ADGRB3: variants seen among roughly 807,000 people sequenced by gnomAD.
The protein encoded by ADGRB3 is adhesion G protein-coupled receptor B3.
In ADGRB3, 37 loss-of-function variants were observed where a neutral mutation model predicts 193.4. The ratio of observed to expected loss-of-function variants is 0.19; its 90% confidence interval spans 0.15 to 0.25. ADGRB3 has a LOEUF of 0.25. Ranked by LOEUF, ADGRB3 falls within the 10% of genes least tolerant of loss-of-function variation. The pLI is 1.00. For missense variants in ADGRB3, 1,637 were observed against 1,852.9 expected, an observed-to-expected ratio of 0.88 and a Z score of 2.14; for synonymous variants, 690 against 644.2, an observed-to-expected ratio of 1.07 and a Z score of -1.08.
intron 3 of ADGRB3, among the ~76,000 whole-genome samples, chr6:68,818,970 T>G (rs898333093): frequency 1.3e-5 from 2 of 152,096 alleles, no homozygotes; most frequent in African/African-American, 4.8e-5. Flanking sequence ...AAAGGAACAA[T>G]GCACATGGCA....
chr6:68,852,240 A>G (rs1297449407), intron 3 of ADGRB3, among the ~76,000 whole-genome samples: 1 of 151,884 alleles, frequency 6.6e-6, no homozygotes, highest in African/African-American at 2.4e-5. Flanking sequence ...TGTAGCCTTG[A>G]ATGCTGTATA....
At chr6:68,672,116 T>C (rs1213604665) in intron 3 of ADGRB3, among the ~76,000 whole-genome samples, 3 of 152,080 alleles carry the variant, frequency 2.0e-5, no homozygotes, top group Non-Finnish European at 4.4e-5. Flanking sequence ...AATGTCTTTT[T>C]TCATCTCTGA....
At chr6:68,995,574 C>T (rs1769361046) in intron 11 of ADGRB3, among the ~76,000 whole-genome samples, 1 of 152,192 alleles carries the variant, frequency 6.6e-6, no homozygotes, top group Admixed American at 6.5e-5. Context: ...AGCAATTTGG[C>T]TAATTATCTT....
At chr6:68,866,942 T>C (rs1188435278) in intron 3 of ADGRB3, among the ~76,000 whole-genome samples, 1 of 152,094 alleles carries the variant, frequency 6.6e-6, no homozygotes, top group Admixed American at 6.6e-5. Flanking sequence ...AAAGAGATGG[T>C]CTGAAATTGG....
intron 17 of ADGRB3, among the ~76,000 whole-genome samples, chr6:69,152,231 G>A (rs773231077): frequency 2.0e-4 from 31 of 152,138 alleles, no homozygotes; most frequent in Admixed American, 7.2e-4. Context: ...TTTCAAAAAT[G>A]TATGCATGAT....
intron 17 of ADGRB3, among the ~76,000 whole-genome samples, chr6:69,213,800 A>G (rs970265486): frequency 6.6e-6 from 1 of 152,174 alleles, no homozygotes. Context: ...AAATAGATTG[A>G]TAGAGAGAAT....
chr6:68,823,789 C>A (rs985763196), intron 3 of ADGRB3, among the ~76,000 whole-genome samples: 1 of 152,030 alleles, frequency 6.6e-6, no homozygotes, highest in Non-Finnish European at 1.5e-5. Context: ...ATAATCATTG[C>A]TTCTTGCATA....
chr6:68,996,280 GCCTCTAATTA>G (rs1270096664), intron 11 of ADGRB3, among the ~76,000 whole-genome samples: 2 of 152,004 alleles, frequency 1.3e-5, no homozygotes, highest in Non-Finnish European at 2.9e-5. Context: ...ATCCAGGTCA[GCCTCTAATTA>G]CCTCAGCCTA....
intron 3 of ADGRB3, among the ~76,000 whole-genome samples, chr6:68,765,521 T>C (rs1395402802): frequency 7.0e-6 from 1 of 142,736 alleles, no homozygotes; most frequent in African/African-American, 2.6e-5. Flanking sequence ...TTTCTTGTCC[T>C]GTATATATTC....
chr6:69,265,615 A>G (rs1767023596), intron 20 of ADGRB3, among the ~76,000 whole-genome samples: 1 of 152,038 alleles, frequency 6.6e-6, no homozygotes, highest in African/African-American at 2.4e-5. Context: ...AAATAAAGAA[A>G]TAATTTTGGT....
chr6:69,221,941 T>C (rs1474200286), intron 17 of ADGRB3, among the ~76,000 whole-genome samples: 4 of 152,300 alleles, frequency 2.6e-5, no homozygotes, highest in East Asian at 3.9e-4. Context: ...CCCAAAAGAT[T>C]TGGTTATCCA....
rs547777691 is a variant in ADGRB3 at position 68,814,503 on chromosome 6, G to T, written c.758-116056G>T. ...GTTTCTCCCATTCTGTAGGTTGCCTGTTCACTCTGATGGTAGTTTCTTTTG... is the reference window on the plus strand; with the variant it reads ...GTTTCTCCCATTCTGTAGGTTGCCTTTTCACTCTGATGGTAGTTTCTTTTG... On this transcript the variant is annotated intron_variant, in intron 3 of 31. Coordinates refer to ENST00000370598, the MANE Select transcript of ADGRB3 (RefSeq NM_001704.3). Among the ~76,000 whole-genome samples, 5 of 152,254 alleles carry T rather than the reference G, an allele frequency of 3.3e-5. No individual in the cohort carries two copies. In the South Asian group the frequency reaches 1.0e-3, roughly 32 times the overall value.
At chr6:68,827,954 CAA>C (rs1767877314) in intron 3 of ADGRB3, among the ~76,000 whole-genome samples, 1 of 152,104 alleles carries the variant, frequency 6.6e-6, no homozygotes, top group Admixed American at 6.6e-5. Flanking sequence ...CTCACAGATC[CAA>C]GTTTCCCTTT....
chr6:68,787,448 G>T (rs988077723), intron 3 of ADGRB3, among the ~76,000 whole-genome samples: 8 of 152,220 alleles, frequency 5.3e-5, no homozygotes, highest in Non-Finnish European at 1.0e-4. Flanking sequence ...TTATGTGTTG[G>T]ATTACATTTA....
intron 11 of ADGRB3, among the ~76,000 whole-genome samples, chr6:69,000,975 A>G (rs1019674800): frequency 6.6e-6 from 1 of 152,226 alleles, no homozygotes; most frequent in Non-Finnish European, 1.5e-5. Context: ...CATTATTGCT[A>G]GTATTTTAAT....
chr6:68,836,336 C>T (rs753435668), intron 3 of ADGRB3, among the ~76,000 whole-genome samples: 7 of 146,708 alleles, frequency 4.8e-5, no homozygotes, highest in Non-Finnish European at 1.0e-4. Flanking sequence ...TCACTCTTTA[C>T]TTCTTCCCTG....
chr6:69,032,773 G>C (rs1340339302), intron 13 of ADGRB3, among the ~76,000 whole-genome samples: 3 of 152,102 alleles, frequency 2.0e-5, no homozygotes, highest in Non-Finnish European at 4.4e-5. Flanking sequence ...GTGCAAATAG[G>C]GATGCCCTTT....
At chr6:68,927,106 A>C (rs141362190) in intron 3 of ADGRB3, among the ~76,000 whole-genome samples, 127 of 152,298 alleles carry the variant, frequency 8.3e-4, no homozygotes, top group African/African-American at 2.9e-3. Context: ...TTCATTGATA[A>C]CATCAACATA....
chr6:68,772,436 C>A lies in ADGRB3; in HGVS notation c.757+133004C>A, dbSNP rs530062915. 1.2e-3 allele frequency among the ~76,000 whole-genome samples: 176 copies of A among 152,086 alleles called. 1 individual carries two copies. Among genetic ancestry groups the A allele is most frequent in the Non-Finnish European group, 1.9e-3 (128 of 68,004 alleles). On this transcript the variant is annotated intron_variant, in intron 3 of 31. Coordinates refer to ENST00000370598, the MANE Select transcript of ADGRB3 (RefSeq NM_001704.3). ...ATGTTGTATGAGTCTCCTGAAACTGCGGATTGGGTTTTGGAAGGCTCTGTG... is the reference window on the plus strand; with the variant it reads ...ATGTTGTATGAGTCTCCTGAAACTGAGGATTGGGTTTTGGAAGGCTCTGTG...
Sources: allele counts gnomAD v4.1 joint callset (sites outside exome capture counted in the v4.1 genomes callset), GRCh38; gene constraint gnomAD v4.1.1; transcripts MANE v1.5; gene names NCBI Gene and HGNC (gene_info 2026-07-23, HGNC 2026-07-21).